The following EPHA6 variants were observed in gnomAD, a reference collection of about 807,000 sequenced individuals.
EPHA6 encodes the protein ephrin type-A receptor 6.
EPHA6 carries 50 observed loss-of-function variants against 112.0 expected under a neutral mutation model. That is an observed-to-expected ratio of 0.45 (90% CI 0.36 to 0.56). The LOEUF is 0.56. Ranked by LOEUF, EPHA6 falls within the 20% of genes least tolerant of loss-of-function variation. The pLI is 0.00. For missense variants in EPHA6, 1,280 were observed against 1,417.4 expected (o/e 0.90, Z 1.56); for synonymous variants, 529 against 490.7 (o/e 1.08, Z -1.03).
chr3:96,894,670 G>A (rs773852246), intron 2 of EPHA6, among the ~76,000 whole-genome samples: 1 of 152,176 alleles, frequency 6.6e-6, no homozygotes, highest in African/African-American at 2.4e-5. Context: ...GAATGTATAT[G>A]ATGCAAACAT....
intron 14 of EPHA6, among the ~76,000 whole-genome samples, chr3:97,681,571 A>C (rs2031864844): frequency 6.6e-6 from 1 of 152,142 alleles, no homozygotes; most frequent in Admixed American, 6.6e-5. Context: ...AGATCTCCCA[A>C]ACATATTATT....
chr3:97,035,878 T>C (rs1479469984), intron 3 of EPHA6, among the ~76,000 whole-genome samples: 1 of 151,972 alleles, frequency 6.6e-6, no homozygotes, highest in Non-Finnish European at 1.5e-5. Context: ...CAAAACCTCA[T>C]ATGTGGAAAT....
At chr3:97,166,050 A>G (rs189654029) in intron 3 of EPHA6, among the ~76,000 whole-genome samples, 4 of 152,258 alleles carry the variant, frequency 2.6e-5, no homozygotes, top group Admixed American at 2.6e-4. Flanking sequence ...GGCTTAGAAT[A>G]TCTAATGGAC....
At chr3:96,963,245 A>C (rs1357382050) in intron 2 of EPHA6, among the ~76,000 whole-genome samples, 1 of 152,040 alleles carries the variant, frequency 6.6e-6, no homozygotes, top group African/African-American at 2.4e-5. Context: ...AAAACTAGGC[A>C]AAGAAAACGT....
chr3:97,709,558 G>C (rs1440121761), intron 14 of EPHA6, among the ~76,000 whole-genome samples: 1 of 152,228 alleles, frequency 6.6e-6, no homozygotes, highest in Non-Finnish European at 1.5e-5. Flanking sequence ...GCTGGAATGA[G>C]TTACAACTTC....
chr3:97,304,048 A>T (rs183997582), intron 5 of EPHA6, among the ~76,000 whole-genome samples: 1 of 151,642 alleles, frequency 6.6e-6, no homozygotes, highest in African/African-American at 2.4e-5. Context: ...CTGCTTGTCT[A>T]TTGTTGGTGT....
At chr3:96,894,435 A>G (rs1381475097) in intron 2 of EPHA6, among the ~76,000 whole-genome samples, 1 of 152,114 alleles carries the variant, frequency 6.6e-6, no homozygotes, top group African/African-American at 2.4e-5. Flanking sequence ...GATCCAACCA[A>G]TGGATCATGG....
chr3:97,631,097 C>T (rs141302889), intron 13 of EPHA6, among the ~76,000 whole-genome samples: 2 of 152,078 alleles, frequency 1.3e-5, no homozygotes, highest in East Asian at 3.9e-4. Context: ...TCTTTTACTG[C>T]ATTTGTAAAC....
chr3:97,545,778 G>T (rs1017440139), intron 11 of EPHA6, among the ~76,000 whole-genome samples: 1 of 152,208 alleles, frequency 6.6e-6, no homozygotes, highest in African/African-American at 2.4e-5. Flanking sequence ...ATTTAGGATA[G>T]TTAGCTCTTC....
intron 2 of EPHA6, among the ~76,000 whole-genome samples, chr3:96,965,375 A>C (rs2042088259): frequency 6.6e-6 from 1 of 152,072 alleles, no homozygotes; most frequent in Admixed American, 6.6e-5. Context: ...TTACCTATCT[A>C]ATGGGCCTAA....
intron 1 of EPHA6, among the ~76,000 whole-genome samples, chr3:96,816,045 C>T (rs1331782325): frequency 6.6e-6 from 1 of 152,032 alleles, no homozygotes; most frequent in Non-Finnish European, 1.5e-5. Context: ...AAGTAATTTG[C>T]AGGTATAAAA....
At chr3:97,680,932 A>G (rs1051815650) in intron 14 of EPHA6, among the ~76,000 whole-genome samples, 1 of 152,198 alleles carries the variant, frequency 6.6e-6, no homozygotes, top group African/African-American at 2.4e-5. Context: ...AGCAGTTTTT[A>G]TAACTGCTCT....
At chr3:97,622,293 C>T (rs1390712479) in intron 13 of EPHA6, among the ~76,000 whole-genome samples, 1 of 151,826 alleles carries the variant, frequency 6.6e-6, no homozygotes, top group Non-Finnish European at 1.5e-5. Context: ...ATTCCGCTGT[C>T]TGTCTCTATG....
intron 5 of EPHA6, among the ~76,000 whole-genome samples, chr3:97,355,469 T>G (rs970352774): frequency 6.6e-6 from 1 of 152,130 alleles, no homozygotes; most frequent in Non-Finnish European, 1.5e-5. Flanking sequence ...TTTAAAATAA[T>G]GGGTCATAAG....
intron 10 of EPHA6, among the ~76,000 whole-genome samples, chr3:97,509,320 G>A (rs1343058495): frequency 2.0e-5 from 3 of 151,970 alleles, no homozygotes; most frequent in East Asian, 3.9e-4. Flanking sequence ...GCAGTGGCCG[G>A]TACCGGTTGT....
At chr3:97,071,911 T>C (rs1359370657) in intron 3 of EPHA6, among the ~76,000 whole-genome samples, 1 of 152,046 alleles carries the variant, frequency 6.6e-6, no homozygotes, top group African/African-American at 2.4e-5. Context: ...CTTTGTGTCA[T>C]TCTTATGCCT....
At chr3:97,336,338 A>T (rs1420721492) in intron 5 of EPHA6, among the ~76,000 whole-genome samples, 1 of 152,176 alleles carries the variant, frequency 6.6e-6, no homozygotes, top group East Asian at 1.9e-4. Context: ...GTTAGGTCAG[A>T]TCTCTTTCAC....
intron 13 of EPHA6, among the ~76,000 whole-genome samples, chr3:97,633,332 C>T (rs570336652): frequency 9.2e-5 from 14 of 152,124 alleles, no homozygotes; most frequent in Middle Eastern, 3.4e-3. Context: ...AGCTACTAAT[C>T]TCTGAGATGC....
chr3:97,328,054 C>CACACACATAT (rs372533674), intron 5 of EPHA6, among the ~76,000 whole-genome samples: 1 of 120,918 alleles, frequency 8.3e-6, no homozygotes, highest in African/African-American at 3.9e-5. Flanking sequence ...CATATATACA[C>CACACACATAT]ATATATATAT....
Sources: allele counts gnomAD v4.1 joint callset (sites outside exome capture counted in the v4.1 genomes callset), GRCh38; gene constraint gnomAD v4.1.1; transcripts MANE v1.5; gene names NCBI Gene and HGNC (gene_info 2026-07-23, HGNC 2026-07-21).